CALN1: variants seen among roughly 807,000 people sequenced by gnomAD.
CALN1 encodes calcium-binding protein 8.
A neutral mutation model predicts 30.6 loss-of-function variants in CALN1; 17 were observed. That is an observed-to-expected ratio of 0.56 (90% CI 0.38 to 0.83). The LOEUF (loss-of-function observed/expected upper bound fraction) is 0.83. CALN1 is among the 40% of genes least tolerant of loss of function. The probability of loss-of-function intolerance (pLI) is 0.00; values close to 1 mark genes in which losing one functional copy is unlikely to be tolerated. For missense variants in CALN1, 291 were observed against 354.9 expected (o/e 0.82, Z 1.45); for synonymous variants, 156 against 131.4 (o/e 1.19, Z -1.28).
chr7:72,377,565 G>C (rs965234382), intron 2 of CALN1, among the ~76,000 whole-genome samples: 1 of 151,876 alleles, frequency 6.6e-6, no homozygotes, highest in African/African-American at 2.4e-5. Context: ...CCTTGCTTAG[G>C]GGTTTGTTGT....
chr7:72,324,376 G>A (rs1801113439), intron 2 of CALN1, among the ~76,000 whole-genome samples: 1 of 152,008 alleles, frequency 6.6e-6, no homozygotes, highest in Admixed American at 6.6e-5. Flanking sequence ...GACCACAGCA[G>A]GGTCATCCCA....
At chr7:72,316,657 CG>C (rs1309353530) in intron 2 of CALN1, among the ~76,000 whole-genome samples, 4 of 151,948 alleles carry the variant, frequency 2.6e-5, no homozygotes, top group African/African-American at 9.7e-5. Context: ...TATTTTAGGC[CG>C]GGGGCAGTGT....
chr7:71,837,329 A>T (rs1789682976), intron 5 of CALN1, among the ~76,000 whole-genome samples: 1 of 150,928 alleles, frequency 6.6e-6, no homozygotes, highest in African/African-American at 2.4e-5. Flanking sequence ...AATTTAATAG[A>T]TGTCTAGCCT....
chr7:71,898,875 A>G (rs1297143978), intron 5 of CALN1, among the ~76,000 whole-genome samples: 1 of 152,200 alleles, frequency 6.6e-6, no homozygotes, highest in Admixed American at 6.5e-5. Flanking sequence ...TCTCATTTGA[A>G]TGAGAAAGTG....
At chr7:72,288,586 A>G (rs1363556010) in intron 2 of CALN1, among the ~76,000 whole-genome samples, 1 of 152,262 alleles carries the variant, frequency 6.6e-6, no homozygotes, top group Non-Finnish European at 1.5e-5. Context: ...CAGATCCACC[A>G]TTAGTCTAGG....
chr7:72,278,010 G>GGGT (rs1554348530), intron 3 of CALN1, among the ~76,000 whole-genome samples: 6 of 90,508 alleles, frequency 6.6e-5, no homozygotes, highest in African/African-American at 2.3e-4. Context: ...CTCTATTCCG[G>GGGT]GGGGGGGGGA....
intron 4 of CALN1, among the ~76,000 whole-genome samples, chr7:72,066,305 G>A (rs992665588): frequency 2.6e-5 from 4 of 152,304 alleles, no homozygotes; most frequent in South Asian, 2.1e-4. Context: ...CCTGGGGCAC[G>A]TTACTGGGAG....
intron 3 of CALN1, among the ~76,000 whole-genome samples, chr7:72,177,562 C>T (rs745983702): frequency 6.6e-6 from 1 of 152,012 alleles, no homozygotes; most frequent in African/African-American, 2.4e-5. Context: ...GTCAGGAGTT[C>T]GAGACCAGCC....
chr7:72,473,915 C>T, the CALN1 span, among the ~76,000 whole-genome samples: 85 of 137,182 alleles, frequency 6.2e-4, 1 homozygote, highest in South Asian at 9.6e-3. Context: ...GGCAACAAAG[C>T]GAGACTCTGT....
In CALN1 at chr7:71,960,942, G is replaced by C. The variant is rs561030333; in HGVS notation, c.501+62715C>G. Among the ~76,000 whole-genome samples, 5 of 152,232 alleles carry C rather than the reference G, an allele frequency of 3.3e-5. No individual in the cohort carries two copies. In the South Asian group the frequency reaches 1.0e-3, roughly 32 times the overall value. ...AGCGATTCTCGTGCCTCAGCCTCCT[G>C]AGTAGCTGGGATCACAGGCTTGTGA... is the stretch of plus-strand genomic sequence containing the variant. On this transcript the variant is annotated intron_variant, in intron 5 of 6. Coordinates refer to ENST00000395275, the MANE Select transcript of CALN1 (RefSeq NM_031468.4).
intron 5 of CALN1, among the ~76,000 whole-genome samples, chr7:71,870,606 A>G (rs1311353363): frequency 2.6e-5 from 4 of 152,158 alleles, no homozygotes; most frequent in African/African-American, 4.8e-5. Context: ...CAAATTTTCA[A>G]TATTTTCCAA....
intron 1 of CALN1, among the ~76,000 whole-genome samples, chr7:72,406,492 T>G (rs375905991): frequency 6.6e-6 from 1 of 152,180 alleles, no homozygotes; most frequent in Admixed American, 6.5e-5. Flanking sequence ...CTAAAGTCCA[T>G]TTGCTAATTG....
intron 3 of CALN1, among the ~76,000 whole-genome samples, chr7:72,270,326 CTAAA>C (rs1232631044): frequency 6.6e-6 from 1 of 151,850 alleles, no homozygotes; most frequent in Non-Finnish European, 1.5e-5. Flanking sequence ...CCTCAAAAAA[CTAAA>C]TAAATAAATT....
chr7:71,785,013 G>A lies in CALN1; in HGVS notation c.*2762C>T. 1 of 396,374 alleles carries A rather than the reference G, an allele frequency of 2.5e-6. No homozygotes were observed. The highest frequency in any genetic ancestry group is 4.4e-6 in the Non-Finnish European group (1 of 225,142). The allele number at this position is 396,374 out of a possible 1,614,324, so 24.6% of individuals were successfully genotyped here. A position where few individuals can be genotyped will look rare whatever the true frequency, so the allele number is the denominator to read the frequency against. ...TCCAAGCAAAGCAGCCAGGGTGCAA[G>A]TCACCGGGACAAACTCTGAGCTCCT... On this transcript the variant is annotated 3_prime_UTR_variant, in exon 7 of 7. Coordinates refer to ENST00000395275, the MANE Select transcript of CALN1 (RefSeq NM_031468.4).
chr7:71,895,549 C>G (rs1337609221), intron 5 of CALN1, among the ~76,000 whole-genome samples: 1 of 152,192 alleles, frequency 6.6e-6, no homozygotes, highest in East Asian at 1.9e-4. Context: ...TTTGGCTGGG[C>G]TGACTTTCCC....
intron 5 of CALN1, among the ~76,000 whole-genome samples, chr7:71,971,977 G>GAAAA (rs1562946756): frequency 1.0e-5 from 1 of 98,812 alleles, no homozygotes. Flanking sequence ...AAGAAAGAAA[G>GAAAA]AAAGAAAGAA....
Position 72,106,195 on chromosome 7 carries a change from C to T in CALN1, c.344G>A (p.Ser115Asn), listed in dbSNP as rs1367136922. 1 of 1,613,962 alleles carries T rather than the reference C, an allele frequency of 6.2e-7. No homozygotes were observed. The highest frequency in any genetic ancestry group is 2.2e-5 in the East Asian group (1 of 44,858). ...CATGATGATGGCCAGCTCCACCTCG[C>T]TTGGCATGTACCCCAAAGAGCGCAT... Reference protein sequence around the residue: ...MAMRSLGYMPSEVELAIIMQR... With the variant: ...MAMRSLGYMPNEVELAIIMQR... The change falls in exon 4 of 7, where the codon AGC becomes AAC. Residue 115 changes from serine to asparagine, a missense_variant. Ser to Asn is a conservative substitution (Grantham distance 46). Around this residue, in one of 2 missense-constraint regions of CALN1, gnomAD observed 169 missense variants for 251.7 expected, o/e 0.67. Transcript: ENST00000395275.
intron 4 of CALN1, chr7:72,103,450 C>T (rs1028116849): frequency 1.3e-5 from 2 of 152,256 alleles, no homozygotes; most frequent in African/African-American, 2.4e-5. Context: ...AGAAAAGAGG[C>T]TCAGAGTGTA....
intron 2 of CALN1, among the ~76,000 whole-genome samples, chr7:72,363,154 T>G (rs1803665439): frequency 1.3e-5 from 2 of 152,262 alleles, no homozygotes; most frequent in Non-Finnish European, 2.9e-5. Flanking sequence ...TAGTTATTTT[T>G]GCTGATCCTC....
Sources: gnomAD v4.1 joint callset for allele counts (sites outside exome capture counted in the v4.1 genomes callset) on GRCh38, gnomAD v4.1.1 for gene constraint, gnomAD v4.1.1 regional missense constraint, MANE v1.5 for transcripts, NCBI Gene and HGNC (gene_info 2026-07-23, HGNC 2026-07-21) for gene names.